Variants in CSDC2 observed in about 807,000 individuals in gnomAD.
CSDC2 encodes the protein cold shock domain-containing protein C2.
CSDC2 carries 8 observed loss-of-function variants against 15.8 expected under a neutral mutation model. The observed-to-expected ratio is 0.51, with a 90% CI of 0.30 to 0.92. The LOEUF is 0.92. CSDC2 is among the 40% of genes least tolerant of loss of function. The pLI is 0.07. For missense variants in CSDC2, 195 were observed against 213.3 expected (o/e 0.91, Z 0.53); for synonymous variants, 96 against 92.3 (o/e 1.04, Z -0.23).
chr22:41,576,027 C>T lies in CSDC2; in HGVS notation c.*1132C>T, dbSNP rs916065354. 1 of 152,296 alleles carries T rather than the reference C, an allele frequency of 6.6e-6. No individual in the cohort carries two copies. Among genetic ancestry groups the T allele is most frequent in the African/African-American group, 2.4e-5 (1 of 41,460 alleles). 9.4% of individuals were successfully genotyped at this position (152,296 alleles called of 1,614,324 possible). ...AGGAGGCCAGGAAGGAGGGCCCTGTCTGCCTCCACCTCTGGGTGCACCCCC... is the reference window on the plus strand; with the variant it reads ...AGGAGGCCAGGAAGGAGGGCCCTGTTTGCCTCCACCTCTGGGTGCACCCCC... On this transcript the variant is annotated 3_prime_UTR_variant, in exon 4 of 4. Transcript: ENST00000306149.
In CSDC2 at chr22:41,572,146, G is replaced by GT; in HGVS notation, c.176+6dup. The GT allele has an allele frequency of 7.7e-7, 1 of 1,306,444 alleles. No homozygotes were observed. The highest frequency in any genetic ancestry group is 9.8e-7 in the Non-Finnish European group (1 of 1,020,642). 80.9% of individuals were successfully genotyped at this position (1,306,444 alleles called of 1,614,324 possible). A position where few individuals can be genotyped will look rare whatever the true frequency, so the allele number is the denominator to read the frequency against. Reference sequence around the variant, plus strand: ...GCGGACCAGGACCTATTCAGCGTGAGTACCTGCCCCTTGCCCAGGCCCCTG... The same window carrying GT: ...GCGGACCAGGACCTATTCAGCGTGAGTTACCTGCCCCTTGCCCAGGCCCCTG... On this transcript the variant is annotated splice_donor_region_variant and intron_variant, in intron 2 of 3. Coordinates refer to ENST00000306149, the MANE Select transcript of CSDC2 (RefSeq NM_014460.4).
chr22:41,572,016 C>T lies in CSDC2; in HGVS notation c.51C>T (p.Pro17=), dbSNP rs369340702. ...CAGTTGTGCCCCCGCTCCACTCCCC[C>T]AAGTCCCCAGTCTGGCCCACCTTCC... is the stretch of plus-strand genomic sequence containing the variant. ...SPPVVPPLHS[P]KSPVWPTFPF... The change falls in exon 2 of 4, where the codon CCC becomes CCT. Residue 17 remains proline (P), a synonymous_variant. Coordinates refer to ENST00000306149, the MANE Select transcript of CSDC2 (RefSeq NM_014460.4). 4.1e-4 allele frequency: 559 copies of T among 1,364,126 alleles called. No individual in the cohort carries two copies. Among genetic ancestry groups the T allele is most frequent in the Non-Finnish European group, 5.0e-4 (528 of 1,056,842 alleles). 84.5% of individuals were successfully genotyped at this position (1,364,126 alleles called of 1,614,324 possible).
intron 1 of CSDC2, among the ~76,000 whole-genome samples, chr22:41,571,378 G>C (rs2067144311): frequency 6.6e-6 from 1 of 152,056 alleles, no homozygotes; most frequent in South Asian, 2.1e-4. Flanking sequence ...AATTTGACCA[G>C]AGCCAAGGCT....
intron 1 of CSDC2, among the ~76,000 whole-genome samples, chr22:41,565,020 G>T (rs2067106391): frequency 6.6e-6 from 1 of 151,638 alleles, no homozygotes; most frequent in South Asian, 2.1e-4. Context: ...ACAAAAATTA[G>T]CTGGGCATGG....
At chr22:41,563,287 G>A (rs1333060817) in intron 1 of CSDC2, among the ~76,000 whole-genome samples, 3 of 152,110 alleles carry the variant, frequency 2.0e-5, no homozygotes, top group African/African-American at 7.2e-5. Context: ...GGCTGGGGGA[G>A]GGGGAGGAGC....
chr22:41,573,505 C>G lies in CSDC2; in HGVS notation c.177-150C>G, dbSNP rs115883600. 2,684 of 892,862 alleles carry G rather than the reference C, an allele frequency of 3.0e-3. 49 individuals carry two copies. The African/African-American group carries it at 0.04, about 13-fold the overall frequency. 55.3% of individuals were successfully genotyped at this position (892,862 alleles called of 1,614,324 possible). A position where few individuals can be genotyped will look rare whatever the true frequency, so the allele number is the denominator to read the frequency against. ...GAGCCACCGTGCCTGGCCTCATTAT[C>G]GTTGAATGGGGATGACTGTGTGGTT... On this transcript the variant is annotated intron_variant, in intron 2 of 3. Coordinates refer to ENST00000306149, the MANE Select transcript of CSDC2 (RefSeq NM_014460.4).
At chr22:41,569,196 A>T (rs1162111884) in intron 1 of CSDC2, among the ~76,000 whole-genome samples, 1 of 152,238 alleles carries the variant, frequency 6.6e-6, no homozygotes, top group Non-Finnish European at 1.5e-5. Context: ...AGTGCACTGC[A>T]GGGCGTCTGG....
intron 1 of CSDC2, among the ~76,000 whole-genome samples, chr22:41,566,026 CG>C (rs768447545): frequency 2.6e-5 from 4 of 151,628 alleles, no homozygotes; most frequent in Non-Finnish European, 5.9e-5. Flanking sequence ...GAGAGTTGGC[CG>C]GGCGCAGTGG....
intron 1 of CSDC2, among the ~76,000 whole-genome samples, chr22:41,564,287 T>A (rs1484076963): frequency 6.6e-6 from 1 of 150,920 alleles, no homozygotes; most frequent in Non-Finnish European, 1.5e-5. Context: ...TGAGACAGAG[T>A]CTTGCTGTGT....
At chr22:41,570,038 C>T (rs952933423) in intron 1 of CSDC2, among the ~76,000 whole-genome samples, 5 of 151,948 alleles carry the variant, frequency 3.3e-5, no homozygotes, top group Non-Finnish European at 2.9e-5. Flanking sequence ...CCTTGGCCTC[C>T]CAAAGTGCTG....
intron 1 of CSDC2, among the ~76,000 whole-genome samples, chr22:41,564,328 C>T (rs1214502002): frequency 3.3e-5 from 5 of 151,978 alleles, no homozygotes; most frequent in East Asian, 2.0e-4. Flanking sequence ...GGCGCGATCT[C>T]GGCTCACTGC....
At chr22:41,574,593 T>G in intron 3 of CSDC2, 140 bp from the exon 4 acceptor site, 1 of 937,836 alleles carries the variant, frequency 1.1e-6, no homozygotes, top group Non-Finnish European at 1.6e-6. Context: ...ATTCGAGAGC[T>G]GAGGTTCTGA....
Position 41,575,056 on chromosome 22 carries a change from C to A in CSDC2, c.*161C>A. 1 of 859,628 alleles carries A rather than the reference C, an allele frequency of 1.2e-6. No homozygotes were observed. Among genetic ancestry groups the A allele is most frequent in the Non-Finnish European group, 1.8e-6 (1 of 569,644 alleles). The allele number at this position is 859,628 out of a possible 1,614,324, so 53.3% of individuals were successfully genotyped here. A position where few individuals can be genotyped will look rare whatever the true frequency, so the allele number is the denominator to read the frequency against. Reference sequence around the variant, plus strand: ...CTGTGCTTGTGGCTATGAGCGTGTGCCTCCACCCACCCCACGACCCGTGAC... The same window carrying A: ...CTGTGCTTGTGGCTATGAGCGTGTGACTCCACCCACCCCACGACCCGTGAC... On this transcript the variant is annotated 3_prime_UTR_variant, in exon 4 of 4. Transcript: ENST00000306149.
intron 1 of CSDC2, among the ~76,000 whole-genome samples, chr22:41,561,549 C>G (rs2067085212): frequency 6.6e-6 from 1 of 152,228 alleles, no homozygotes; most frequent in African/African-American, 2.4e-5. Context: ...AGTGCCGCTT[C>G]CAGTTGCTGA....
chr22:41,564,127 T>C (rs1229200485), intron 1 of CSDC2, among the ~76,000 whole-genome samples: 3 of 150,040 alleles, frequency 2.0e-5, no homozygotes, highest in Admixed American at 6.7e-5. Flanking sequence ...GGTGTACTAA[T>C]GGTAGTTACT....
chr22:41,576,362 C>G lies in CSDC2; in HGVS notation c.*1467C>G, dbSNP rs1262926364. 1.3e-5 allele frequency: 2 copies of G among 152,208 alleles called. No individual in the cohort carries two copies. The highest frequency in any genetic ancestry group is 2.9e-5 in the Non-Finnish European group (2 of 68,052). 9.4% of individuals were successfully genotyped at this position (152,208 alleles called of 1,614,324 possible). On this transcript the variant is annotated 3_prime_UTR_variant, in exon 4 of 4. Coordinates refer to ENST00000306149, the MANE Select transcript of CSDC2 (RefSeq NM_014460.4). ...GTGGTCAGCTCCCCTAAAATGGGCA[C>G]GGCCCAGCCTGTCCCATGAGGAATA...
chr22:41,573,676 C>G lies in CSDC2; in HGVS notation c.198C>G (p.Gly66=), dbSNP rs369315006. Residue 66 remains glycine (G), a synonymous_variant, in exon 3 of 4, where the codon GGC becomes GGG. Coordinates refer to ENST00000306149, the MANE Select transcript of CSDC2 (RefSeq NM_014460.4). ...CCAGGACAGCCCGGGCCTCAGCTGG[C>G]CCCGTGTTCAAGGGCGTCTGTAAGC... is the stretch of plus-strand genomic sequence containing the variant. ...TYSATARASA[G]PVFKGVCKQF... 19 of 1,613,284 alleles carry G rather than the reference C, an allele frequency of 1.2e-5. No homozygotes were observed. In the East Asian group the frequency reaches 1.6e-4, roughly 13 times the overall value.
In CSDC2 at chr22:41,563,952, C is replaced by T. The variant is rs888427933; in HGVS notation, c.-124+2769C>T. 4.7e-5 allele frequency among the ~76,000 whole-genome samples: 7 copies of T among 150,042 alleles called. No homozygotes were observed. The East Asian group carries it at 8.0e-4, about 17-fold the overall frequency. The stretch of plus-strand genomic sequence containing the variant: ...AAGAAAAATTAACCGAGCGTGGTGG[C>T]GGGCACCTGTATTCCCAGCTACTCG... On this transcript the variant is annotated intron_variant, in intron 1 of 3. Coordinates refer to ENST00000306149, the MANE Select transcript of CSDC2 (RefSeq NM_014460.4).
At chr22:41,569,777 CTTTTTTTTTTTT>C (rs372029264) in intron 1 of CSDC2, among the ~76,000 whole-genome samples, 5 of 107,942 alleles carry the variant, frequency 4.6e-5, no homozygotes, top group Non-Finnish European at 9.1e-5. Flanking sequence ...TGTGTGGTTG[CTTTTTTTTTTTT>C]TTTTTTTTTT....
Sources: gnomAD v4.1 joint callset for allele counts (sites outside exome capture counted in the v4.1 genomes callset) on GRCh38, gnomAD v4.1.1 for gene constraint, MANE v1.5 for transcripts, NCBI Gene and HGNC (gene_info 2026-07-23, HGNC 2026-07-21) for gene names.